DLC1: variants seen among roughly 807,000 people sequenced by gnomAD.
DLC1 encodes the protein DLC1 Rho GTPase activating protein.
DLC1 carries 54 observed loss-of-function variants against 140.3 expected under a neutral mutation model. The observed-to-expected ratio is 0.38, with a 90% confidence interval of 0.31 to 0.48. The LOEUF (loss-of-function observed/expected upper bound fraction) is 0.48. Ranked by LOEUF, DLC1 falls within the 20% of genes least tolerant of loss-of-function variation. The pLI is 0.96. For synonymous variants in DLC1, 986 were observed against 728.1 expected (o/e 1.35, Z -5.70); for missense variants, 2,536 against 1,907.0 (o/e 1.33, Z -6.14).
rs571215398 is a variant in DLC1 at position 13,591,049 on chromosome 8, A to G, written c.-126+13488T>C. ...TGAACATAAGGAATGAAGGAAATTT[A>G]TATGACATGAGATTAGAGAAAAAGA... On this transcript the variant is annotated intron_variant, in intron 1 of 1. Transcript: ENST00000631382. Among the ~76,000 whole-genome samples, 37 of 152,276 alleles carry G rather than the reference A, an allele frequency of 2.4e-4. 1 individual carries two copies. The highest frequency in any genetic ancestry group is 1.9e-3 in the Admixed American group (29 of 15,284).
At chr8:13,124,948 A>G (rs1396746170) in intron 5 of DLC1, among the ~76,000 whole-genome samples, 3 of 152,084 alleles carry the variant, frequency 2.0e-5, no homozygotes, top group African/African-American at 4.8e-5. Flanking sequence ...CTTTTATTTT[A>G]AAAGCTAACA....
At chr8:13,305,330 T>C in intron 4 of DLC1, 28 bp from the exon 5 acceptor site, 1 of 1,566,516 alleles carries the variant, frequency 6.4e-7, no homozygotes, top group Non-Finnish European at 8.6e-7. Context: ...AAAATTGTGG[T>C]ATTATTAGGA....
intron 5 of DLC1, among the ~76,000 whole-genome samples, chr8:13,171,621 C>G (rs1209960551): frequency 6.6e-6 from 1 of 152,142 alleles, no homozygotes; most frequent in Non-Finnish European, 1.5e-5. Flanking sequence ...CTCCTGGCCT[C>G]AAGCAATCCT....
chr8:13,520,454 C>A (rs1395863595), intron 1 of DLC1, among the ~76,000 whole-genome samples: 1 of 151,896 alleles, frequency 6.6e-6, no homozygotes, highest in East Asian at 1.9e-4. Flanking sequence ...AGGGGAACAT[C>A]ACACACTGGA....
intron 1 of DLC1, among the ~76,000 whole-genome samples, chr8:13,509,121 G>A (rs1026767063): frequency 4.6e-5 from 7 of 152,146 alleles, no homozygotes; most frequent in African/African-American, 4.8e-5. Flanking sequence ...CAAGGAACAC[G>A]GATTATAATG....
intron 5 of DLC1, 146 bp from the exon 6 acceptor site, chr8:13,115,803 C>A (rs549112508): frequency 3.1e-5 from 22 of 711,332 alleles, no homozygotes; most frequent in African/African-American, 2.1e-4. Context: ...ACGCTTAATT[C>A]GAATGGTTTA....
intron 5 of DLC1, among the ~76,000 whole-genome samples, chr8:13,254,748 C>G (rs971399867): frequency 2.0e-5 from 3 of 150,194 alleles, no homozygotes; most frequent in Non-Finnish European, 4.4e-5. Flanking sequence ...TTCTGACTTA[C>G]TCAATAGATA....
upstream of DLC1, among the ~76,000 whole-genome samples, chr8:13,519,664 T>C (rs1266376007): frequency 3.3e-5 from 5 of 152,178 alleles, no homozygotes; most frequent in Non-Finnish European, 5.9e-5. Flanking sequence ...ATATAAGCTC[T>C]CCAAAACCAT....
chr8:13,218,816 A>G lies in DLC1; in HGVS notation c.1348+86453T>C, dbSNP rs955221296. Among the ~76,000 whole-genome samples the G allele has an allele frequency of 7.2e-5, 10 of 139,654 alleles. 1 individual carries two copies. Among genetic ancestry groups the G allele is most frequent in the African/African-American group, 2.7e-4 (10 of 37,576 alleles). 91.6% of individuals were successfully genotyped at this position (139,654 alleles called of 152,430 possible). A position where few individuals can be genotyped will look rare whatever the true frequency, so the allele number is the denominator to read the frequency against. On this transcript the variant is annotated intron_variant, in intron 5 of 17. Coordinates refer to ENST00000276297, the MANE Select transcript of DLC1 (RefSeq NM_182643.3). ...AAATATATATCATAATTATATTCATAATTATATGAATATAACTATATATGA... is the reference window on the plus strand; with the variant it reads ...AAATATATATCATAATTATATTCATGATTATATGAATATAACTATATATGA...
chr8:13,457,799 C>G (rs935107290), intron 2 of DLC1, among the ~76,000 whole-genome samples: 1 of 151,886 alleles, frequency 6.6e-6, no homozygotes, highest in African/African-American at 2.4e-5. Context: ...CCCTGCCCCA[C>G]CAAGGTAGCA....
chr8:13,225,274 G>T (rs1055864900), intron 5 of DLC1, among the ~76,000 whole-genome samples: 4 of 152,162 alleles, frequency 2.6e-5, no homozygotes, highest in African/African-American at 9.7e-5. Context: ...ACTTTCAAAA[G>T]GCTTCATTCT....
At position 13,084,202 on chromosome 8, in the gene DLC1, A is replaced by G. The variant is rs1313223740; in HGVS notation, c.*1609T>C. ...AATAGAATGGTATATACAACATACA[A>G]TCTTACAAATCTGGAAGCCATCAAA... On this transcript the variant is annotated 3_prime_UTR_variant, in exon 18 of 18. Transcript: ENST00000276297. The G allele has an allele frequency of 6.6e-6, 1 of 152,606 alleles. No individual in the cohort carries two copies. Among genetic ancestry groups the G allele is most frequent in the Non-Finnish European group, 1.5e-5 (1 of 68,036 alleles). The allele number at this position is 152,606 out of a possible 1,614,324, so 9.5% of individuals were successfully genotyped here. A position where few individuals can be genotyped will look rare whatever the true frequency, so the allele number is the denominator to read the frequency against.
At chr8:13,492,263 A>G (rs537374799) in intron 2 of DLC1, among the ~76,000 whole-genome samples, 10 of 152,182 alleles carry the variant, frequency 6.6e-5, no homozygotes, top group Admixed American at 3.9e-4. Flanking sequence ...AAAAATAGCA[A>G]TGATTTAGCT....
At chr8:13,124,356 C>T (rs942026552) in intron 5 of DLC1, among the ~76,000 whole-genome samples, 1 of 152,136 alleles carries the variant, frequency 6.6e-6, no homozygotes, top group Non-Finnish European at 1.5e-5. Context: ...TGTAAAGGAC[C>T]CTGAATGAAG....
intron 5 of DLC1, among the ~76,000 whole-genome samples, chr8:13,233,866 C>T (rs1829162792): frequency 1.3e-5 from 2 of 152,146 alleles, no homozygotes; most frequent in African/African-American, 4.8e-5. Flanking sequence ...AACTGGGGAT[C>T]TGGTTGCAGG....
chr8:13,498,028 T>C (rs1244811365), intron 2 of DLC1, among the ~76,000 whole-genome samples: 2 of 152,130 alleles, frequency 1.3e-5, no homozygotes, highest in Non-Finnish European at 2.9e-5. Flanking sequence ...TCTCTCATGG[T>C]AGATAGCCCC....
chr8:13,543,420 T>A (rs1803551093), intron 1 of DLC1, among the ~76,000 whole-genome samples: 1 of 152,150 alleles, frequency 6.6e-6, no homozygotes, highest in Non-Finnish European at 1.5e-5. Context: ...AATGACTTCT[T>A]TTCCTTTGGG....
intron 5 of DLC1, among the ~76,000 whole-genome samples, chr8:13,131,065 A>T (rs1428429240): frequency 6.6e-6 from 1 of 152,176 alleles, no homozygotes; most frequent in African/African-American, 2.4e-5. Context: ...TCTGCTAACC[A>T]TTTGACACTG....
At position 13,090,285 on chromosome 8, in the gene DLC1, G is replaced by A. The variant is rs143843880; in HGVS notation, c.4041C>T (p.Ser1347=). Residue 1347 remains serine, a synonymous_variant, in exon 15 of 18, where the codon TCC becomes TCT. Transcript: ENST00000276297. ...AGGACAGCTCAGCCTGCTCCGAAGT[G>A]GAGTAGCTGACCCAGCCTTTAAACT... ...KEKFKGWVSY[S]TSEQAELSYK... 6.2e-7 allele frequency: 1 copy of A among 1,614,136 alleles called. No individual in the cohort carries two copies. The highest frequency in any genetic ancestry group is 8.5e-7 in the Non-Finnish European group (1 of 1,180,004).
Sources: gnomAD v4.1 joint callset for allele counts (sites outside exome capture counted in the v4.1 genomes callset) on GRCh38, gnomAD v4.1.1 for gene constraint, MANE v1.5 for transcripts, NCBI Gene and HGNC (gene_info 2026-07-23, HGNC 2026-07-21) for gene names.